Variants in RAP1GAP2 observed in about 807,000 individuals in gnomAD.
The protein encoded by RAP1GAP2 is rap1 GTPase-activating protein 2.
Under a neutral mutation model 95.0 loss-of-function variants are expected in RAP1GAP2, and 27 were observed. The observed-to-expected ratio is 0.28, with a 90% CI of 0.21 to 0.39. The LOEUF is 0.39. Ranked by LOEUF, RAP1GAP2 falls within the 10% of genes least tolerant of loss-of-function variation. The pLI, the probability that RAP1GAP2 is intolerant of heterozygous loss-of-function variation, is 1.00. For missense variants in RAP1GAP2, 771 were observed against 970.0 expected, an observed-to-expected ratio of 0.79 and a Z score of 2.72; for synonymous variants, 373 against 380.9, an observed-to-expected ratio of 0.98 and a Z score of 0.24.
chr17:2,759,391 C>G (rs1285340531), intron 1 of RAP1GAP2, among the ~76,000 whole-genome samples: 1 of 152,200 alleles, frequency 6.6e-6, no homozygotes, highest in Admixed American at 6.5e-5. Context: ...GGTGATCCTT[C>G]CACCTCAGCC....
chr17:2,792,935 C>G (rs1284484401), upstream of RAP1GAP2, among the ~76,000 whole-genome samples: 1 of 152,144 alleles, frequency 6.6e-6, no homozygotes, highest in African/African-American at 2.4e-5. Flanking sequence ...ACCGGGAGGC[C>G]CCAGATAAAA....
intron 8 of RAP1GAP2, among the ~76,000 whole-genome samples, chr17:2,966,405 G>A (rs2044602139): frequency 6.6e-6 from 1 of 152,216 alleles, no homozygotes; most frequent in Non-Finnish European, 1.5e-5. Flanking sequence ...CTCTGTCCCT[G>A]GTTGGGTGGT....
chr17:2,889,262 A>G (rs1374293698), intron 2 of RAP1GAP2, among the ~76,000 whole-genome samples: 1 of 152,140 alleles, frequency 6.6e-6, no homozygotes. Flanking sequence ...ACCAAATTGC[A>G]GTGGTGATGA....
chr17:2,809,092 C>T (rs553370903), intron 2 of RAP1GAP2, among the ~76,000 whole-genome samples: 98 of 152,298 alleles, frequency 6.4e-4, no homozygotes, highest in African/African-American at 2.2e-3. Context: ...GGTCTGCAGA[C>T]TCCAAGACCC....
intron 2 of RAP1GAP2, among the ~76,000 whole-genome samples, chr17:2,876,006 C>T (rs1401734677): frequency 4.6e-5 from 7 of 151,318 alleles, no homozygotes; most frequent in South Asian, 4.2e-4. Flanking sequence ...GATGCGATCT[C>T]GGCTCACCAC....
At chr17:2,991,937 T>C (rs1372942177) in intron 12 of RAP1GAP2, among the ~76,000 whole-genome samples, 2 of 151,560 alleles carry the variant, frequency 1.3e-5, no homozygotes, top group African/African-American at 4.9e-5. Flanking sequence ...GCTAAGGTTT[T>C]TGTATTTGAG....
intron 2 of RAP1GAP2, among the ~76,000 whole-genome samples, chr17:2,822,737 G>A (rs1257106223): frequency 7.0e-6 from 1 of 143,208 alleles, no homozygotes; most frequent in African/African-American, 2.6e-5. Flanking sequence ...TTAAGTTTTA[G>A]CGTACATGTG....
chr17:2,922,509 G>T (rs1463468427), intron 3 of RAP1GAP2, among the ~76,000 whole-genome samples: 1 of 152,172 alleles, frequency 6.6e-6, no homozygotes, highest in East Asian at 1.9e-4. Context: ...GGTCCCCGAG[G>T]TCTGCCAGCA....
chr17:2,962,873 G>A (rs1305040811), intron 5 of RAP1GAP2, 159 bp downstream of exon 5: 32 of 680,580 alleles, frequency 4.7e-5, no homozygotes, highest in Non-Finnish European at 6.9e-5. Flanking sequence ...TGTTAGACCA[G>A]TGCACGGTGG....
In RAP1GAP2 at chr17:2,922,826, G is replaced by GTTTTTTTTTTTTTTTTTTTTT; in HGVS notation, c.165+17463_165+17464insTTTTTTTTTTTTTTTTTTTTT. 2.1e-5 allele frequency among the ~76,000 whole-genome samples: 2 copies of GTTTTTTTTTTTTTTTTTTTTT among 93,728 alleles called. 1 individual carries two copies. The allele number at this position is 93,728 out of a possible 152,430, so 61.5% of individuals were successfully genotyped here. A position where few individuals can be genotyped will look rare whatever the true frequency, so the allele number is the denominator to read the frequency against. On this transcript the variant is annotated intron_variant, in intron 3 of 24. Coordinates refer to ENST00000254695, the MANE Select transcript of RAP1GAP2 (RefSeq NM_015085.5). Reference sequence around the variant, plus strand: ...AAAAAGTGCCCAGTATTTTCTTTTTGTTTTTGTTTTTTTTTTTTTTTTTGA... The same window carrying GTTTTTTTTTTTTTTTTTTTTT: ...AAAAAGTGCCCAGTATTTTCTTTTTGTTTTTTTTTTTTTTTTTTTTTTTTTTGTTTTTTTTTTTTTTTTTGA...
intron 11 of RAP1GAP2, among the ~76,000 whole-genome samples, chr17:2,987,953 T>G (rs1339035614): frequency 6.6e-6 from 1 of 152,232 alleles, no homozygotes; most frequent in African/African-American, 2.4e-5. Flanking sequence ...AGCCTTCAGC[T>G]GTTTGTACAT....
intron 3 of RAP1GAP2, among the ~76,000 whole-genome samples, chr17:2,918,525 G>C (rs550632020): frequency 6.6e-6 from 1 of 152,152 alleles, no homozygotes; most frequent in South Asian, 2.1e-4. Flanking sequence ...TTGGCTGTTG[G>C]GGTGGCCTCA....
chr17:2,923,967 T>C (rs991609374), intron 3 of RAP1GAP2, among the ~76,000 whole-genome samples: 3 of 152,182 alleles, frequency 2.0e-5, no homozygotes, highest in Non-Finnish European at 4.4e-5. Flanking sequence ...GAAGAAGAAA[T>C]AAACAAGTGG....
intron 3 of RAP1GAP2, among the ~76,000 whole-genome samples, chr17:2,908,176 G>A (rs1597579044): frequency 6.6e-6 from 1 of 152,292 alleles, no homozygotes; most frequent in African/African-American, 2.4e-5. Context: ...ACTGCTGTGG[G>A]CCTCTGCACA....
intron 3 of RAP1GAP2, among the ~76,000 whole-genome samples, chr17:2,938,563 C>T (rs1406459613): frequency 1.3e-5 from 2 of 152,172 alleles, no homozygotes; most frequent in Admixed American, 6.5e-5. Flanking sequence ...TGTGTCTCCC[C>T]CAGCCATTCG....
chr17:2,768,187 T>G (rs983206498), intron 1 of RAP1GAP2, among the ~76,000 whole-genome samples: 2 of 152,184 alleles, frequency 1.3e-5, no homozygotes, highest in Admixed American at 1.3e-4. Context: ...AAGAGGGGAT[T>G]ATTGGGATAA....
At chr17:2,826,474 G>A (rs1413154549) in intron 2 of RAP1GAP2, among the ~76,000 whole-genome samples, 1 of 152,058 alleles carries the variant, frequency 6.6e-6, no homozygotes, top group Admixed American at 6.6e-5. Context: ...GTGTGTTGCC[G>A]GCGAGATGAC....
intron 3 of RAP1GAP2, among the ~76,000 whole-genome samples, chr17:2,955,564 G>A (rs1178591452): frequency 6.6e-6 from 1 of 152,092 alleles, no homozygotes; most frequent in African/African-American, 2.4e-5. Context: ...AGCATTCTGC[G>A]GGCTTTCTTT....
intron 2 of RAP1GAP2, among the ~76,000 whole-genome samples, chr17:2,843,009 G>A (rs184298848): frequency 6.6e-6 from 1 of 152,140 alleles, no homozygotes; most frequent in Non-Finnish European, 1.5e-5. Context: ...GTGGGGTAGG[G>A]CGATGACTAA....
Sources: allele counts gnomAD v4.1 joint callset (sites outside exome capture counted in the v4.1 genomes callset), GRCh38; gene constraint gnomAD v4.1.1; transcripts MANE v1.5; gene names NCBI Gene and HGNC (gene_info 2026-07-23, HGNC 2026-07-21).